The following JCAD variants were observed in gnomAD, a reference collection of about 807,000 sequenced individuals.
JCAD encodes junctional cadherin 5 associated.
JCAD carries 40 observed loss-of-function variants against 98.0 expected under a neutral mutation model. The observed-to-expected ratio is 0.41, with a 90% confidence interval of 0.32 to 0.53. JCAD has a LOEUF of 0.53. JCAD is among the 20% of genes least tolerant of loss of function. JCAD has a pLI of 0.31. For synonymous variants in JCAD, 691 were observed against 682.3 expected (o/e 1.01, Z -0.20); for missense variants, 1,705 against 1,738.1 (o/e 0.98, Z 0.34).
chr10:30,109,528 C>T (rs369986082), intron 1 of JCAD, among the ~76,000 whole-genome samples: 6 of 152,052 alleles, frequency 3.9e-5, no homozygotes, highest in Non-Finnish European at 7.4e-5. Flanking sequence ...TTTTTCCTTC[C>T]GTGTCTCTCT....
chr10:30,061,215 C>G (rs533751259), upstream of JCAD, among the ~76,000 whole-genome samples: 1 of 152,212 alleles, frequency 6.6e-6, no homozygotes, highest in South Asian at 2.1e-4. Context: ...GAGATGATGC[C>G]TTCTTATCAC....
chr10:30,021,433 C>T (rs770741609), intron 3 of JCAD, among the ~76,000 whole-genome samples: 1 of 152,122 alleles, frequency 6.6e-6, no homozygotes, highest in Non-Finnish European at 1.5e-5. Context: ...CTCAGATGAT[C>T]CTCCCACCTC....
intron 1 of JCAD, among the ~76,000 whole-genome samples, chr10:30,073,249 C>G (rs143864320): frequency 8.5e-5 from 13 of 152,288 alleles, no homozygotes; most frequent in African/African-American, 3.1e-4. Flanking sequence ...AGGCAAATGA[C>G]GTCATGTCTC....
rs983640307 is a variant in JCAD at position 30,015,644 on chromosome 10, G to C, written c.*2239C>G. On this transcript the variant is annotated 3_prime_UTR_variant, in exon 4 of 4. Transcript: ENST00000375377. ...AAGGTACAACAGTTTTTCTTCCTTGGGGATCCTTCTCTTTCTCTTGAGGAA... is the reference window on the plus strand; with the variant it reads ...AAGGTACAACAGTTTTTCTTCCTTGCGGATCCTTCTCTTTCTCTTGAGGAA... The C allele has an allele frequency of 3.9e-5, 6 of 152,020 alleles. No homozygotes were observed. The highest frequency in any genetic ancestry group is 1.5e-4 in the African/African-American group (6 of 41,366). 9.4% of individuals were successfully genotyped at this position (152,020 alleles called of 1,614,324 possible). A position where few individuals can be genotyped will look rare whatever the true frequency, so the allele number is the denominator to read the frequency against.
At chr10:30,047,925 T>C in intron 1 of JCAD, 54 bp from the exon 2 acceptor site, 1 of 1,133,380 alleles carries the variant, frequency 8.8e-7, no homozygotes, top group Non-Finnish European at 1.3e-6. Flanking sequence ...GAGGTCAGTC[T>C]GACACCTCCT....
At chr10:30,031,072 A>T (rs1836980273) in intron 2 of JCAD, among the ~76,000 whole-genome samples, 1 of 151,318 alleles carries the variant, frequency 6.6e-6, no homozygotes, top group Non-Finnish European at 1.5e-5. Context: ...TCTCCCACTG[A>T]AAGTTCAGAC....
chr10:30,113,220 G>C (rs1838736759), intron 1 of JCAD, among the ~76,000 whole-genome samples: 1 of 152,082 alleles, frequency 6.6e-6, no homozygotes, highest in Non-Finnish European at 1.5e-5. Context: ...GCAAAGACCT[G>C]ATGCGGGAGG....
chr10:30,047,232 T>C (rs995414708), intron 2 of JCAD, among the ~76,000 whole-genome samples: 6 of 152,122 alleles, frequency 3.9e-5, no homozygotes, highest in Non-Finnish European at 7.4e-5. Context: ...ATTAGCCAGG[T>C]GTGGTGGCAC....
At chr10:30,035,138 A>T (rs1026632489) in intron 2 of JCAD, among the ~76,000 whole-genome samples, 14 of 152,232 alleles carry the variant, frequency 9.2e-5, no homozygotes, top group Non-Finnish European at 1.5e-4. Flanking sequence ...CCACGAGCAT[A>T]ATCAGAAGAC....
chr10:30,061,680 C>T (rs578100289), upstream of JCAD, among the ~76,000 whole-genome samples: 219 of 151,412 alleles, frequency 1.4e-3, 2 homozygotes, highest in Non-Finnish European at 2.0e-3. Context: ...GACACAAAGG[C>T]TGGGAAAATA....
chr10:30,056,074 A>C (rs1417873903), intron 1 of JCAD, among the ~76,000 whole-genome samples: 1 of 152,240 alleles, frequency 6.6e-6, no homozygotes, highest in East Asian at 1.9e-4. Flanking sequence ...ATTAGAAGTC[A>C]TTAAGAAAGG....
chr10:30,065,440 A>G (rs1837767137), intron 2 of JCAD, among the ~76,000 whole-genome samples: 1 of 152,220 alleles, frequency 6.6e-6, no homozygotes, highest in Admixed American at 6.5e-5. Flanking sequence ...TTATGTCAAC[A>G]AGTGCTAATA....
chr10:30,102,751 A>G (rs180725496), intron 1 of JCAD, among the ~76,000 whole-genome samples: 8 of 152,340 alleles, frequency 5.3e-5, no homozygotes, highest in Non-Finnish European at 8.8e-5. Flanking sequence ...ATAAACACAT[A>G]CCCAAGACTG....
At chr10:30,078,051 T>A (rs1260015704) in intron 1 of JCAD, among the ~76,000 whole-genome samples, 2 of 152,240 alleles carry the variant, frequency 1.3e-5, no homozygotes, top group African/African-American at 4.8e-5. Flanking sequence ...GGGTTCCAAT[T>A]TCTCCATATC....
At chr10:30,108,626 G>A (rs1230552767) in intron 1 of JCAD, among the ~76,000 whole-genome samples, 3 of 152,104 alleles carry the variant, frequency 2.0e-5, no homozygotes, top group African/African-American at 7.2e-5. Flanking sequence ...GAGCAGCCTG[G>A]CAGTATCCAA....
Position 30,028,213 on chromosome 10 carries a change from C to A in JCAD, c.1935G>T (p.Thr645=), listed in dbSNP as rs942769637. 5.0e-6 allele frequency: 8 copies of A among 1,614,160 alleles called. No homozygotes were observed. Among genetic ancestry groups the A allele is most frequent in the Non-Finnish European group, 6.8e-6 (8 of 1,180,028 alleles). The change falls in exon 3 of 4, where the codon ACG becomes ACT. Residue 645 remains threonine, a synonymous_variant. Coordinates refer to ENST00000375377, the MANE Select transcript of JCAD (RefSeq NM_020848.4). ...CCCCTAGATCTTGTTTTTGGAACTC[C>A]GTTCTCCCACCCATGCTTCCTGTGA... is the stretch of plus-strand genomic sequence containing the variant. ...QALTGSMGGR[T]EFQKQDLGEP... is the part of the protein sequence containing the mutation.
chr10:30,091,684 A>AT (rs1838267261), intron 1 of JCAD, among the ~76,000 whole-genome samples: 1 of 138,978 alleles, frequency 7.2e-6, no homozygotes, highest in South Asian at 2.3e-4. Flanking sequence ...ATGGTTTGTA[A>AT]TTTTTTTCTA....
intron 2 of JCAD, among the ~76,000 whole-genome samples, chr10:30,038,382 A>G (rs2132631732): frequency 1.3e-5 from 2 of 152,236 alleles, no homozygotes; most frequent in Middle Eastern, 6.8e-3. Context: ...ACCAACCTAC[A>G]GGTAGCGAAG....
At chr10:30,091,195 T>C (rs1838257090) in intron 1 of JCAD, among the ~76,000 whole-genome samples, 1 of 152,142 alleles carries the variant, frequency 6.6e-6, no homozygotes, top group African/African-American at 2.4e-5. Flanking sequence ...TTTTTGAAAA[T>C]AGATGTGATT....
Sources: gnomAD v4.1 joint callset for allele counts (sites outside exome capture counted in the v4.1 genomes callset) on GRCh38, gnomAD v4.1.1 for gene constraint, MANE v1.5 for transcripts, NCBI Gene and HGNC (gene_info 2026-07-23, HGNC 2026-07-21) for gene names.